The following EXOC6B variants were observed in gnomAD, a reference collection of about 807,000 sequenced individuals.
The protein encoded by EXOC6B is exocyst complex component 6B, also known as SEC15 homolog B.
Under a neutral mutation model 113.5 loss-of-function variants are expected in EXOC6B, and 54 were observed. The observed-to-expected ratio is 0.48, with a 90% CI of 0.38 to 0.60. EXOC6B has a LOEUF of 0.60. Among genes scored for constraint, EXOC6B ranks in the 20% least tolerant of loss-of-function variants. EXOC6B has a pLI of 0.00. For synonymous variants in EXOC6B, 357 were observed against 339.0 expected (o/e 1.05, Z -0.58); for missense variants, 797 against 977.5 (o/e 0.82, Z 2.46).
chr2:72,422,202 A>G (rs1468518439), intron 18 of EXOC6B, among the ~76,000 whole-genome samples: 1 of 152,230 alleles, frequency 6.6e-6, no homozygotes, highest in East Asian at 1.9e-4. Flanking sequence ...CCAAGGGCTG[A>G]GGAATGCAAG....
intron 19 of EXOC6B, among the ~76,000 whole-genome samples, chr2:72,339,873 T>C (rs1286163798): frequency 6.6e-6 from 1 of 152,198 alleles, no homozygotes; most frequent in Non-Finnish European, 1.5e-5. Flanking sequence ...ACTTGCCAAA[T>C]ATCTAACTCT....
intron 1 of EXOC6B, among the ~76,000 whole-genome samples, chr2:72,793,959 G>A (rs947206185): frequency 6.6e-6 from 1 of 152,182 alleles, no homozygotes; most frequent in African/African-American, 2.4e-5. Flanking sequence ...AGCATCCACC[G>A]AAGCCATGGT....
chr2:72,342,509 A>G (rs1572940986), intron 19 of EXOC6B, among the ~76,000 whole-genome samples: 2 of 152,316 alleles, frequency 1.3e-5, no homozygotes, highest in Middle Eastern at 3.4e-3. Context: ...ACTTGTTAGG[A>G]TGGCTATCAT....
chr2:72,697,674 A>C (rs1241951709), intron 6 of EXOC6B, among the ~76,000 whole-genome samples: 1 of 152,184 alleles, frequency 6.6e-6, no homozygotes, highest in Non-Finnish European at 1.5e-5. Context: ...ACAGAGCCAG[A>C]CCCTGCCTGT....
chr2:72,447,657 C>A (rs935330982), intron 18 of EXOC6B, among the ~76,000 whole-genome samples: 5 of 152,104 alleles, frequency 3.3e-5, no homozygotes, highest in Non-Finnish European at 7.4e-5. Context: ...AATAATGCAA[C>A]CTAAATTAAC....
At chr2:72,369,285 C>A (rs968846045) in intron 19 of EXOC6B, among the ~76,000 whole-genome samples, 16 of 152,040 alleles carry the variant, frequency 1.1e-4, no homozygotes, top group African/African-American at 3.4e-4. Context: ...AATAAAATAC[C>A]TAGGAATCCA....
At chr2:72,587,391 A>G (rs1705659612) in intron 6 of EXOC6B, among the ~76,000 whole-genome samples, 1 of 152,194 alleles carries the variant, frequency 6.6e-6, no homozygotes, top group Admixed American at 6.5e-5. Context: ...AAAGATGGCA[A>G]CAATAGACAC....
chr2:72,379,818 G>A lies in EXOC6B; in HGVS notation c.2033C>T (p.Ser678Phe), dbSNP rs1399262432. The A allele has an allele frequency of 6.2e-7, 1 of 1,613,178 alleles. No homozygotes were observed. The highest frequency in any genetic ancestry group is 1.7e-5 in the Admixed American group (1 of 59,940). ...CMSACKHLATSLMQLLLEAEV... is the reference protein window; with the variant it reads ...CMSACKHLATFLMQLLLEAEV... ...AGCTTCCAACAAAAGTTGCATCAAG[G>A]ATGTGGCTAAATGCTTGCAAGCTGA... is the stretch of plus-strand genomic sequence containing the variant. Residue 678 changes from serine to phenylalanine, a missense_variant, in exon 19 of 22, where the codon TCC (serine) becomes TTC (phenylalanine). Coordinates refer to ENST00000272427, the MANE Select transcript of EXOC6B (RefSeq NM_015189.3).
At chr2:72,405,384 C>A (rs1693665454) in intron 18 of EXOC6B, among the ~76,000 whole-genome samples, 1 of 152,150 alleles carries the variant, frequency 6.6e-6, no homozygotes, top group Non-Finnish European at 1.5e-5. Context: ...AGGAGCAACT[C>A]CAAGACACAT....
intron 5 of EXOC6B, among the ~76,000 whole-genome samples, chr2:72,723,996 C>A (rs1680160725): frequency 6.6e-6 from 1 of 152,088 alleles, no homozygotes; most frequent in Non-Finnish European, 1.5e-5. Flanking sequence ...CAAAACAGAG[C>A]TCAGCAGCCT....
In EXOC6B at chr2:72,496,671, A is replaced by G. The variant is rs904265377; in HGVS notation, c.1338-112T>C. The G allele has an allele frequency of 3.2e-5, 22 of 694,996 alleles. 1 individual carries two copies. In the South Asian group the frequency reaches 3.4e-4, roughly 11 times the overall value. The allele number at this position is 694,996 out of a possible 1,614,324, so 43.1% of individuals were successfully genotyped here. ...CACAAATATTTTTCTGATGAACTCCAATCTTAATATATATGCCACAACCCA... is the reference window on the plus strand; with the variant it reads ...CACAAATATTTTTCTGATGAACTCCGATCTTAATATATATGCCACAACCCA... On this transcript the variant is annotated intron_variant, in intron 13 of 21. Transcript: ENST00000272427.
At chr2:72,233,902 G>T (rs1482410314) in intron 20 of EXOC6B, among the ~76,000 whole-genome samples, 2 of 152,098 alleles carry the variant, frequency 1.3e-5, no homozygotes, top group Non-Finnish European at 2.9e-5. Flanking sequence ...CAGCCCAGCA[G>T]TCCCACTTCT....
At chr2:72,741,870 G>A (rs903385210) in intron 1 of EXOC6B, among the ~76,000 whole-genome samples, 1 of 152,204 alleles carries the variant, frequency 6.6e-6, no homozygotes, top group African/African-American at 2.4e-5. Flanking sequence ...TAGACTCAGG[G>A]TAGCCATGTA....
chr2:72,302,405 T>G (rs559355495), intron 20 of EXOC6B, among the ~76,000 whole-genome samples: 7 of 152,238 alleles, frequency 4.6e-5, no homozygotes, highest in Non-Finnish European at 1.0e-4. Flanking sequence ...GTTAATTTTC[T>G]GCTGCAATGA....
chr2:72,605,611 T>C (rs1670707455), intron 6 of EXOC6B, among the ~76,000 whole-genome samples: 2 of 152,226 alleles, frequency 1.3e-5, no homozygotes, highest in African/African-American at 4.8e-5. Flanking sequence ...ATTCTTTTTC[T>C]GTTTGTTTGG....
At chr2:72,807,860 AAAG>A (rs2105111856) in intron 1 of EXOC6B, among the ~76,000 whole-genome samples, 1 of 152,298 alleles carries the variant, frequency 6.6e-6, no homozygotes, top group Non-Finnish European at 1.5e-5. Context: ...AAAAAAATCA[AAAG>A]AATAAATAAG....
chr2:72,752,620 A>G (rs1682130959), intron 1 of EXOC6B, among the ~76,000 whole-genome samples: 1 of 149,122 alleles, frequency 6.7e-6, no homozygotes, highest in Non-Finnish European at 1.5e-5. Flanking sequence ...TTCTCAGTTA[A>G]GATCTTAAAA....
chr2:72,767,825 A>AAAAAAAAAAAAAAAAAAAAAAAAAAAC (rs1683170948), intron 1 of EXOC6B, among the ~76,000 whole-genome samples: 1 of 141,052 alleles, frequency 7.1e-6, no homozygotes, highest in Non-Finnish European at 1.5e-5. Flanking sequence ...AAAAAAAAAA[A>AAAAAAAAAAAAAAAAAAAAAAAAAAAC]AAAAAAAAGA....
At chr2:72,562,848 A>G (rs980476792) in intron 7 of EXOC6B, among the ~76,000 whole-genome samples, 11 of 152,318 alleles carry the variant, frequency 7.2e-5, no homozygotes, top group African/African-American at 2.6e-4. Flanking sequence ...AGAAGTTCAA[A>G]TACATCTATG....
Sources: gnomAD v4.1 joint callset for allele counts (sites outside exome capture counted in the v4.1 genomes callset) on GRCh38, gnomAD v4.1.1 for gene constraint, MANE v1.5 for transcripts, NCBI Gene and HGNC (gene_info 2026-07-23, HGNC 2026-07-21) for gene names.